The following DHX57 variants were observed in gnomAD, a reference collection of about 807,000 sequenced individuals.
DHX57 encodes DExH-box helicase 57.
DHX57 carries 105 observed loss-of-function variants against 156.2 expected under a neutral mutation model. The ratio of observed to expected loss-of-function variants is 0.67; its 90% CI spans 0.57 to 0.79. DHX57 has a LOEUF of 0.79. Among genes scored for constraint, DHX57 ranks in the 30% least tolerant of loss-of-function variants. The pLI is 0.00. For missense variants in DHX57, 1,847 were observed against 1,661.9 expected (o/e 1.11, Z -1.94); for synonymous variants, 704 against 595.6 (o/e 1.18, Z -2.65).
intron 1 of DHX57, among the ~76,000 whole-genome samples, chr2:38,870,231 G>A (rs1197232070): frequency 6.6e-6 from 1 of 151,892 alleles, no homozygotes; most frequent in African/African-American, 2.4e-5. Flanking sequence ...CACCATCAAG[G>A]GTACCATATA....
chr2:38,864,714 C>T (rs1229546225), intron 2 of DHX57, among the ~76,000 whole-genome samples: 5 of 152,160 alleles, frequency 3.3e-5, no homozygotes, highest in Non-Finnish European at 7.4e-5. Flanking sequence ...CCCTTGAGTG[C>T]ACATCTCCCT....
At chr2:38,874,232 C>T (rs570348059) in intron 1 of DHX57, among the ~76,000 whole-genome samples, 1 of 151,858 alleles carries the variant, frequency 6.6e-6, no homozygotes, top group Non-Finnish European at 1.5e-5. Context: ...GCTGGGACCA[C>T]AGGTGCACCA....
At chr2:38,866,725 T>A (rs1046173515) in intron 2 of DHX57, among the ~76,000 whole-genome samples, 1 of 152,218 alleles carries the variant, frequency 6.6e-6, no homozygotes, top group East Asian at 1.9e-4. Flanking sequence ...GAACCTATAA[T>A]GTCCATGTTT....
At position 38,824,266 on chromosome 2, in the gene DHX57, C is replaced by G. The variant is rs184103778; in HGVS notation, c.3015-997G>C. Among the ~76,000 whole-genome samples the G allele has an allele frequency of 1.5e-3, 233 of 152,258 alleles. 1 individual carries two copies. Among genetic ancestry groups the G allele is most frequent in the African/African-American group, 5.5e-3 (227 of 41,564 alleles). ...GTGAAATAAGCCAGTCACAAAAAGACAAATGCTGGATGGTTCTACTTGTAT... is the reference window on the plus strand; with the variant it reads ...GTGAAATAAGCCAGTCACAAAAAGAGAAATGCTGGATGGTTCTACTTGTAT... On this transcript the variant is annotated intron_variant, in intron 16 of 23. Coordinates refer to ENST00000457308, the MANE Select transcript of DHX57 (RefSeq NM_198963.3).
intron 11 of DHX57, among the ~76,000 whole-genome samples, chr2:38,846,640 G>C (rs1203206141): frequency 4.0e-5 from 6 of 149,412 alleles, no homozygotes; most frequent in African/African-American, 1.5e-4. Flanking sequence ...AAGAAAGAAA[G>C]AAAAAGTAAG....
chr2:38,815,215 A>C (rs1307166548), intron 20 of DHX57, among the ~76,000 whole-genome samples: 1 of 151,886 alleles, frequency 6.6e-6, no homozygotes, highest in East Asian at 1.9e-4. Context: ...GACAGGTGGT[A>C]CACCACCATG....
chr2:38,842,077 A>T (rs545682034), intron 12 of DHX57, among the ~76,000 whole-genome samples: 8 of 152,344 alleles, frequency 5.3e-5, no homozygotes, highest in Admixed American at 2.6e-4. Flanking sequence ...ACAAGTTAAC[A>T]TTGCCAATAA....
intron 19 of DHX57, 107 bp from the exon 20 acceptor site, chr2:38,815,762 G>C: frequency 3.0e-5 from 41 of 1,386,202 alleles, no homozygotes; most frequent in Non-Finnish European, 4.0e-5. Flanking sequence ...GGGTAGCAAT[G>C]AGGCTCAAGT....
At chr2:38,872,903 C>G (rs1379263789) in intron 1 of DHX57, among the ~76,000 whole-genome samples, 1 of 152,158 alleles carries the variant, frequency 6.6e-6, no homozygotes, top group Non-Finnish European at 1.5e-5. Flanking sequence ...AACACTCCAC[C>G]CAACAACGAA....
chr2:38,832,801 G>A (rs557014410), intron 13 of DHX57, among the ~76,000 whole-genome samples: 2 of 152,010 alleles, frequency 1.3e-5, no homozygotes, highest in South Asian at 4.2e-4. Flanking sequence ...GCCTCCCAAA[G>A]TGCTGGCATT....
At chr2:38,853,226 T>C (rs1468439312) in intron 9 of DHX57, 1 of 5,504 alleles carries the variant, frequency 1.8e-4, no homozygotes. Context: ...CCTGGCTAAT[T>C]TTTTTTTTTT....
At chr2:38,830,858 C>A (rs772440158) in intron 13 of DHX57, among the ~76,000 whole-genome samples, 12 of 152,068 alleles carry the variant, frequency 7.9e-5, no homozygotes, top group Non-Finnish European at 1.8e-4. Context: ...CTTTGAGAGG[C>A]TGAAGTGGGA....
In DHX57 at chr2:38,861,513, C is replaced by G; in HGVS notation, c.897G>C (p.Glu299Asp). 1 of 1,614,078 alleles carries G rather than the reference C, an allele frequency of 6.2e-7. No individual in the cohort carries two copies. The highest frequency in any genetic ancestry group is 8.5e-7 in the Non-Finnish European group (1 of 1,180,004). The change falls in exon 5 of 24, where the codon GAG becomes GAC. Residue 299 changes from glutamate to aspartate, a missense_variant. Glu to Asp is a conservative substitution (Grantham distance 45). Transcript: ENST00000457308. ...KPKESTKNVQ[E>D]NSLEICKFYL... is the part of the protein sequence containing the mutation. Reference sequence around the variant, plus strand: ...AAAATTTACAGATTTCAAGTGAATTCTCTTGTACATTTTTGGTACTTTCTT... The same window carrying G: ...AAAATTTACAGATTTCAAGTGAATTGTCTTGTACATTTTTGGTACTTTCTT...
chr2:38,818,643 C>T (rs767447849), intron 19 of DHX57, among the ~76,000 whole-genome samples: 13 of 152,110 alleles, frequency 8.5e-5, no homozygotes, highest in East Asian at 1.9e-4. Context: ...CCCTATCTTC[C>T]GCATAAGTAA....
chr2:38,862,045 C>A (rs941645677), intron 4 of DHX57, 100 bp downstream of exon 4: 3 of 1,371,690 alleles, frequency 2.2e-6, no homozygotes, highest in African/African-American at 2.9e-5. Context: ...ATTGCTGGAA[C>A]CCACATAATA....
chr2:38,875,727 G>C (rs749391839), intron 1 of DHX57, 60 bp downstream of exon 1: 1 of 272,970 alleles, frequency 3.7e-6, no homozygotes, highest in Non-Finnish European at 6.8e-6. Context: ...TGACAAACAG[G>C]GTGACGCGCA....
intron 19 of DHX57, among the ~76,000 whole-genome samples, chr2:38,817,000 C>T (rs1173208279): frequency 6.6e-6 from 1 of 152,138 alleles, no homozygotes; most frequent in Non-Finnish European, 1.5e-5. Flanking sequence ...TCTTATTGCC[C>T]TGTACATATA....
chr2:38,846,949 G>C, intron 11 of DHX57, 70 bp downstream of exon 11: 1 of 1,379,810 alleles, frequency 7.2e-7, no homozygotes, highest in Non-Finnish European at 1.0e-6. Context: ...GCCTTCCAAA[G>C]TGCTAGAATT....
intron 21 of DHX57, among the ~76,000 whole-genome samples, chr2:38,808,736 C>T (rs1401464634): frequency 6.6e-6 from 1 of 152,008 alleles, no homozygotes; most frequent in Non-Finnish European, 1.5e-5. Flanking sequence ...CATGACAGCA[C>T]CAGCATTATA....
Sources: gnomAD v4.1 joint callset for allele counts (sites outside exome capture counted in the v4.1 genomes callset) on GRCh38, gnomAD v4.1.1 for gene constraint, MANE v1.5 for transcripts, NCBI Gene and HGNC (gene_info 2026-07-23, HGNC 2026-07-21) for gene names.